The following TULP3 variants were observed in gnomAD, a reference collection of about 807,000 sequenced individuals.
TULP3 encodes TUB like protein 3.
TULP3 carries 38 observed loss-of-function variants against 50.7 expected under a neutral mutation model. The observed-to-expected ratio is 0.75, with a 90% CI of 0.58 to 0.98. TULP3 has a LOEUF of 0.98. Ranked by LOEUF, TULP3 falls within the 50% of genes least tolerant of loss-of-function variation. TULP3 has a pLI of 0.00. For synonymous variants in TULP3, 183 were observed against 196.6 expected, an observed-to-expected ratio of 0.93 and a Z score of 0.58; for missense variants, 550 against 568.0, an observed-to-expected ratio of 0.97 and a Z score of 0.32.
chr12:2,929,101 G>A (rs369877499), intron 4 of TULP3, among the ~76,000 whole-genome samples: 3 of 151,408 alleles, frequency 2.0e-5, no homozygotes, highest in Non-Finnish European at 2.9e-5. Flanking sequence ...GGCGGATCAC[G>A]AGGTCAGGAG....
chr12:2,917,603 T>C (rs1022686694), intron 2 of TULP3, among the ~76,000 whole-genome samples: 7 of 151,924 alleles, frequency 4.6e-5, no homozygotes, highest in South Asian at 2.1e-4. Flanking sequence ...CTTGGCCAGG[T>C]ACGGTGGCTC....
At chr12:2,904,272 C>G (rs562881090) in intron 1 of TULP3, among the ~76,000 whole-genome samples, 1 of 152,242 alleles carries the variant, frequency 6.6e-6, no homozygotes, top group East Asian at 1.9e-4. Flanking sequence ...AATTCTCTTT[C>G]TGTACACTGT....
chr12:2,891,115 C>T, intron 1 of TULP3, 127 bp downstream of exon 1: 1 of 1,169,450 alleles, frequency 8.6e-7, no homozygotes, highest in Non-Finnish European at 1.1e-6. Flanking sequence ...CAGGGAGGGA[C>T]TGGTTTCGGC....
rs2098194861 is a variant in TULP3, at chr12:2,926,676, C to CAGAT, written c.395-3570_395-3567dup. Among the ~76,000 whole-genome samples the CAGAT allele has an allele frequency of 3.3e-5, 5 of 152,190 alleles. No individual in the cohort carries two copies. The South Asian group carries it at 1.0e-3, about 32-fold the overall frequency. ...CAGCACTTTGGGAGGCAGAGGCAGGCAGATACCTGACATCAGGAGTTCGAG... is the reference window on the plus strand; with the variant it reads ...CAGCACTTTGGGAGGCAGAGGCAGGCAGATAGATACCTGACATCAGGAGTTCGAG... On this transcript the variant is annotated intron_variant, in intron 4 of 10. Coordinates refer to ENST00000448120, the MANE Select transcript of TULP3 (RefSeq NM_003324.5).
At chr12:2,893,508 A>AG (rs2098173541) in intron 1 of TULP3, among the ~76,000 whole-genome samples, 1 of 151,544 alleles carries the variant, frequency 6.6e-6, no homozygotes, top group African/African-American at 2.4e-5. Context: ...TTTAGTAGAG[A>AG]GGGGGTTTCT....
chr12:2,929,068 A>G lies in TULP3; in HGVS notation c.395-1180A>G, dbSNP rs1002435451. Among the ~76,000 whole-genome samples, 70 of 148,852 alleles carry G rather than the reference A, an allele frequency of 4.7e-4. 1 individual carries two copies. The highest frequency in any genetic ancestry group is 1.7e-3 in the African/African-American group (69 of 40,116). On this transcript the variant is annotated intron_variant, in intron 4 of 10. Coordinates refer to ENST00000448120, the MANE Select transcript of TULP3 (RefSeq NM_003324.5). ...CAAAAAGTACACTTTTTTTTTTTTT[A>G]AGAGTTCGGGTGGGCCGAGACGGGC...
At chr12:2,908,667 G>A (rs941239567) in intron 1 of TULP3, among the ~76,000 whole-genome samples, 4 of 152,098 alleles carry the variant, frequency 2.6e-5, no homozygotes, top group African/African-American at 9.7e-5. Context: ...TGATCCACCT[G>A]CCTTGACCTC....
chr12:2,899,966 G>A (rs1303184100), intron 1 of TULP3, among the ~76,000 whole-genome samples: 1 of 151,578 alleles, frequency 6.6e-6, no homozygotes, highest in Non-Finnish European at 1.5e-5. Flanking sequence ...TGTAATCCCA[G>A]CACTTTGGGA....
intron 7 of TULP3, 24 bp downstream of exon 7, chr12:2,933,554 T>A: frequency 7.0e-7 from 1 of 1,434,844 alleles, no homozygotes; most frequent in Non-Finnish European, 9.8e-7. Context: ...TAGATCACTG[T>A]CCTATTCTTT....
intron 4 of TULP3, among the ~76,000 whole-genome samples, chr12:2,924,427 C>T (rs2098193552): frequency 6.6e-6 from 1 of 152,070 alleles, no homozygotes; most frequent in Admixed American, 6.6e-5. Context: ...TGTGTAATCC[C>T]AGCACTTTAA....
At chr12:2,926,834 T>C (rs948967340) in intron 4 of TULP3, among the ~76,000 whole-genome samples, 1 of 152,196 alleles carries the variant, frequency 6.6e-6, no homozygotes, top group Non-Finnish European at 1.5e-5. Flanking sequence ...TTGAACGTTG[T>C]GGGTGGAAGT....
At chr12:2,900,697 C>CT (rs67978135) in intron 1 of TULP3, among the ~76,000 whole-genome samples, 6 of 147,532 alleles carry the variant, frequency 4.1e-5, no homozygotes, top group South Asian at 2.2e-4. Flanking sequence ...CTTGCAGATA[C>CT]TTTTTTTTTT....
In TULP3 at chr12:2,909,509, A is replaced by AT. The variant is rs11305670; in HGVS notation, c.42-6dup. 0.013 allele frequency: 17,621 copies of AT among 1,377,470 alleles called. No homozygotes were observed. The highest frequency in any genetic ancestry group is 0.014 in the Non-Finnish European group (14,598 of 1,014,226). The allele number at this position is 1,377,470 out of a possible 1,614,324, so 85.3% of individuals were successfully genotyped here. A position where few individuals can be genotyped will look rare whatever the true frequency, so the allele number is the denominator to read the frequency against. Reference sequence around the variant, plus strand: ...CGTTTTCTTTTTATATACTTGCTTTATTTTTTTTTTTTTTAACAGTGTCTT... The same window carrying AT: ...CGTTTTCTTTTTATATACTTGCTTTATTTTTTTTTTTTTTTAACAGTGTCTT... On this transcript the variant is annotated intron_variant, in intron 1 of 10. Coordinates refer to ENST00000448120, the MANE Select transcript of TULP3 (RefSeq NM_003324.5).
chr12:2,910,081 A>C (rs529264268), intron 2 of TULP3, among the ~76,000 whole-genome samples: 1 of 152,332 alleles, frequency 6.6e-6, no homozygotes, highest in Non-Finnish European at 1.5e-5. Flanking sequence ...TCACGAGGTC[A>C]GGAGATCGAG....
At chr12:2,932,950 AT>A (rs1290403760) in intron 6 of TULP3, among the ~76,000 whole-genome samples, 4 of 148,788 alleles carry the variant, frequency 2.7e-5, no homozygotes, top group Non-Finnish European at 4.5e-5. Flanking sequence ...TTTATTTTTT[AT>A]TTTTTTTTTG....
intron 2 of TULP3, among the ~76,000 whole-genome samples, chr12:2,910,612 A>T (rs150684756): frequency 2.0e-4 from 31 of 152,318 alleles, no homozygotes; most frequent in Admixed American, 8.5e-4. Flanking sequence ...TGTAGCTAGG[A>T]TCGTTAACAG....
intron 1 of TULP3, among the ~76,000 whole-genome samples, chr12:2,908,691 A>AT (rs1382064626): frequency 6.6e-6 from 1 of 152,172 alleles, no homozygotes. Context: ...AAGTGCTGGG[A>AT]TTACAGGTGT....
At chr12:2,918,403 C>T (rs900742284) in intron 2 of TULP3, among the ~76,000 whole-genome samples, 9 of 151,388 alleles carry the variant, frequency 5.9e-5, no homozygotes, top group African/African-American at 2.2e-4. Flanking sequence ...TGAGCCACCG[C>T]GCCCAGCCTA....
At chr12:2,901,149 G>C (rs1003202366) in intron 1 of TULP3, among the ~76,000 whole-genome samples, 1 of 150,912 alleles carries the variant, frequency 6.6e-6, no homozygotes, top group African/African-American at 2.4e-5. Flanking sequence ...AAGGGTCTCT[G>C]TTCCCCAGGC....
Sources: gnomAD v4.1 joint callset for allele counts (sites outside exome capture counted in the v4.1 genomes callset) on GRCh38, gnomAD v4.1.1 for gene constraint, MANE v1.5 for transcripts, NCBI Gene and HGNC (gene_info 2026-07-23, HGNC 2026-07-21) for gene names.